PLCG2: variants seen among roughly 807,000 people sequenced by gnomAD.
PLCG2 encodes phospholipase C gamma 2, also known as 1-phosphatidylinositol 4,5-bisphosphate phosphodiesterase gamma-2.
A neutral mutation model predicts 175.6 loss-of-function variants in PLCG2; 69 were observed. The observed-to-expected ratio is 0.39, with a 90% confidence interval of 0.32 to 0.48. PLCG2 has a LOEUF of 0.48. PLCG2 is among the 20% of genes least tolerant of loss of function. PLCG2 has a pLI of 0.91. For missense variants in PLCG2, 1,798 were observed against 1,650.9 expected, an observed-to-expected ratio of 1.09 and a Z score of -1.54; for synonymous variants, 827 against 624.0, an observed-to-expected ratio of 1.33 and a Z score of -4.85.
chr16:81,879,716 A>C (rs1215525753), intron 7 of PLCG2, among the ~76,000 whole-genome samples: 1 of 152,188 alleles, frequency 6.6e-6, no homozygotes, highest in African/African-American at 2.4e-5. Flanking sequence ...TGTTGAAGCA[A>C]GGCTACCTGG....
chr16:81,895,801 C>A lies in PLCG2; in HGVS notation c.1073-6C>A. 6.2e-7 allele frequency: 1 copy of A among 1,614,062 alleles called. No individual in the cohort carries two copies. The highest frequency in any genetic ancestry group is 8.5e-7 in the Non-Finnish European group (1 of 1,179,992). ...GGTATTGAGGCTGCCGCGTTTCTCC[C>A]TGTAGTGGACTGCTGGGACGGGCCC... is the stretch of plus-strand genomic sequence containing the variant. On this transcript the variant is annotated splice_polypyrimidine_tract_variant and splice_region_variant and intron_variant, in intron 12 of 32. Coordinates refer to ENST00000564138, the MANE Select transcript of PLCG2 (RefSeq NM_002661.5).
In PLCG2 at chr16:81,926,996, G is replaced by C. The variant is rs533134625; in HGVS notation, c.2418-86G>C. On this transcript the variant is annotated intron_variant, in intron 22 of 32. Transcript: ENST00000564138. ...CTTGCTGTCTGTCCCCATCAGAATT[G>C]AGCCAGCAGCCGGGTGCAGATGAGC... 65 of 836,546 alleles carry C rather than the reference G, an allele frequency of 7.8e-5. 1 individual carries two copies. The South Asian group carries it at 8.7e-4, about 11-fold the overall frequency. 51.8% of individuals were successfully genotyped at this position (836,546 alleles called of 1,614,324 possible).
At chr16:81,928,662 CT>C (rs753294659) in intron 24 of PLCG2, 38 bp downstream of exon 24, 7 of 1,434,568 alleles carry the variant, frequency 4.9e-6, no homozygotes, top group South Asian at 1.1e-5. Flanking sequence ...ATTTCCACCC[CT>C]ATCCCCCATG....
chr16:81,883,376 C>G (rs754832126), intron 9 of PLCG2, 35 bp downstream of exon 9: 9 of 1,562,588 alleles, frequency 5.8e-6, no homozygotes, highest in Non-Finnish European at 7.9e-6. Flanking sequence ...CCTGAGGGAG[C>G]TGGCGGGATG....
chr16:81,859,035 C>T, intron 4 of PLCG2, 81 bp from the exon 5 acceptor site: 1 of 839,044 alleles, frequency 1.2e-6, no homozygotes, highest in Non-Finnish European at 2.0e-6. Context: ...CTTTTGTGCA[C>T]ATTCCGTAGG....
intron 23 of PLCG2, among the ~76,000 whole-genome samples, 168 bp from the exon 24 acceptor site, chr16:81,928,390 T>C (rs1472009379): frequency 6.6e-6 from 1 of 152,120 alleles, no homozygotes; most frequent in East Asian, 1.9e-4. Flanking sequence ...CCCTATCAGC[T>C]CCATGCTTCA....
rs1250660990 is a variant in PLCG2 at position 81,785,943 on chromosome 16, C to A, written c.-47C>A. ...TCACTCTTTAATTCTGCCCTTTCAG[C>A]TTCCTGATTTCTCCCGATTCCTTCC... On this transcript the variant is annotated splice_region_variant and 5_prime_UTR_variant, in exon 2 of 33. Transcript: ENST00000564138. 1.3e-6 allele frequency: 2 copies of A among 1,560,152 alleles called. No individual in the cohort carries two copies. The highest frequency in any genetic ancestry group is 8.8e-7 in the Non-Finnish European group (1 of 1,138,338).
intron 5 of PLCG2, among the ~76,000 whole-genome samples, chr16:81,864,434 A>T (rs1185270231): frequency 6.6e-6 from 1 of 152,238 alleles, no homozygotes; most frequent in Non-Finnish European, 1.5e-5. Context: ...TACCTCAGAC[A>T]GCACAGATGT....
At chr16:81,899,347 T>C (rs533830504) in intron 13 of PLCG2, among the ~76,000 whole-genome samples, 1 of 151,894 alleles carries the variant, frequency 6.6e-6, no homozygotes, top group Admixed American at 6.6e-5. Context: ...TGTATATACA[T>C]GTACTAATGA....
At chr16:81,870,411 T>C (rs770706861) in intron 6 of PLCG2, among the ~76,000 whole-genome samples, 5 of 152,188 alleles carry the variant, frequency 3.3e-5, no homozygotes, top group Non-Finnish European at 7.3e-5. Context: ...AAATGACCTA[T>C]ATGTACGTAC....
At chr16:81,952,440 CT>C (rs1208015355) in intron 31 of PLCG2, among the ~76,000 whole-genome samples, 3 of 151,966 alleles carry the variant, frequency 2.0e-5, no homozygotes, top group Non-Finnish European at 4.4e-5. Flanking sequence ...ATCAGGGCTC[CT>C]TAGACAAGTG....
intron 2 of PLCG2, among the ~76,000 whole-genome samples, chr16:81,809,541 T>A (rs1904300069): frequency 6.6e-6 from 1 of 152,074 alleles, no homozygotes; most frequent in Non-Finnish European, 1.5e-5. Context: ...CCAAATAAAC[T>A]CCTTGTATGT....
At chr16:81,908,733 C>A in intron 17 of PLCG2, 142 bp downstream of exon 17, 1 of 693,290 alleles carries the variant, frequency 1.4e-6, no homozygotes, top group Non-Finnish European at 2.4e-6. Flanking sequence ...TCTTCTAGGC[C>A]GGGACAAGGG....
chr16:81,780,891 G>A (rs1374558234), intron 1 of PLCG2, among the ~76,000 whole-genome samples: 1 of 152,142 alleles, frequency 6.6e-6, no homozygotes, highest in East Asian at 1.9e-4. Flanking sequence ...CCTGGGCGTG[G>A]TGGTGGCCGC....
upstream of PLCG2, among the ~76,000 whole-genome samples, chr16:81,776,780 C>T (rs576069718): frequency 2.6e-5 from 4 of 152,288 alleles, no homozygotes; most frequent in East Asian, 7.7e-4. Flanking sequence ...GTCGTGAACT[C>T]CTGATCTCAG....
At chr16:81,854,726 C>T (rs1906596741) in intron 3 of PLCG2, 139 bp downstream of exon 3, 5 of 758,878 alleles carry the variant, frequency 6.6e-6, no homozygotes, top group South Asian at 5.1e-5. Flanking sequence ...CAGCCCTGCC[C>T]CTTTCTAGCT....
chr16:81,822,353 A>G (rs1292893955), intron 2 of PLCG2, among the ~76,000 whole-genome samples: 1 of 152,176 alleles, frequency 6.6e-6, no homozygotes, highest in Non-Finnish European at 1.5e-5. Context: ...TGGGTATGTC[A>G]TGTTACTTGG....
chr16:81,818,816 T>G (rs1904665332), intron 2 of PLCG2, among the ~76,000 whole-genome samples: 1 of 150,540 alleles, frequency 6.6e-6, no homozygotes, highest in African/African-American at 2.4e-5. Flanking sequence ...TCATGAGAAC[T>G]GGTATTTAGG....
intron 3 of PLCG2, among the ~76,000 whole-genome samples, chr16:81,855,157 C>T (rs1376289056): frequency 6.6e-6 from 1 of 151,272 alleles, no homozygotes; most frequent in East Asian, 1.9e-4. Context: ...TGCATCACTC[C>T]CCTACAGTCT....
Sources: allele counts gnomAD v4.1 joint callset (sites outside exome capture counted in the v4.1 genomes callset), GRCh38; gene constraint gnomAD v4.1.1; transcripts MANE v1.5; gene names NCBI Gene and HGNC (gene_info 2026-07-23, HGNC 2026-07-21).